The following MAF variants were observed in gnomAD, a reference collection of about 807,000 sequenced individuals.
MAF encodes transcription factor Maf.
MAF carries 10 observed loss-of-function variants against 22.0 expected under a neutral mutation model. That is an observed-to-expected ratio of 0.45 (90% CI 0.28 to 0.77). The LOEUF is 0.77. Among genes scored for constraint, MAF ranks in the 30% least tolerant of loss-of-function variants. MAF has a pLI of 0.12. For synonymous variants in MAF, 337 were observed against 255.8 expected (o/e 1.32, Z -3.03); for missense variants, 544 against 548.4 (o/e 0.99, Z 0.08).
the MAF span, among the ~76,000 whole-genome samples, chr16:79,484,298 G>A: frequency 2.0e-5 from 3 of 152,194 alleles, no homozygotes; most frequent in Non-Finnish European, 4.4e-5. Context: ...CAAGGCTGGT[G>A]TGACAATGCC....
At chr16:79,569,357 G>C in the MAF span, among the ~76,000 whole-genome samples, 1 of 152,310 alleles carries the variant, frequency 6.6e-6, no homozygotes, top group South Asian at 2.1e-4. Context: ...CTCCAGTTGA[G>C]ACCCATTGCT....
chr16:79,270,476 A>G, the MAF span, among the ~76,000 whole-genome samples: 1 of 152,098 alleles, frequency 6.6e-6, no homozygotes. Context: ...TGAACCATAG[A>G]TTCCCCATCT....
At chr16:79,365,751 C>A in the MAF span, among the ~76,000 whole-genome samples, 3 of 151,134 alleles carry the variant, frequency 2.0e-5, no homozygotes, top group Non-Finnish European at 4.4e-5. Context: ...ATCCAGAGGC[C>A]AAATATCTCA....
the MAF span, among the ~76,000 whole-genome samples, chr16:79,516,672 C>T: frequency 3.3e-5 from 5 of 152,176 alleles, no homozygotes; most frequent in Non-Finnish European, 7.3e-5. Context: ...CTGAAGATGG[C>T]AATTTTATTA....
At chr16:79,235,474 G>A in the MAF span, among the ~76,000 whole-genome samples, 22 of 152,072 alleles carry the variant, frequency 1.4e-4, no homozygotes, top group Non-Finnish European at 2.8e-4. Context: ...GCTGAGGTGG[G>A]GAGATCGCTT....
chr16:79,205,373 T>C, the MAF span: 1 of 152,186 alleles, frequency 6.6e-6, no homozygotes, highest in African/African-American at 2.4e-5. Flanking sequence ...GCCTGAGGTT[T>C]TTCTACCTTT....
the MAF span, among the ~76,000 whole-genome samples, chr16:79,436,440 G>A: frequency 6.6e-6 from 1 of 152,192 alleles, no homozygotes; most frequent in South Asian, 2.1e-4. Context: ...AACACCTACT[G>A]TGCATCAGAC....
At chr16:79,353,320 G>C in the MAF span, among the ~76,000 whole-genome samples, 6 of 152,194 alleles carry the variant, frequency 3.9e-5, no homozygotes, top group South Asian at 8.3e-4. Flanking sequence ...GTAGAGACAG[G>C]GTTTCACTAT....
chr16:79,528,726 G>A, the MAF span, among the ~76,000 whole-genome samples: 1 of 151,606 alleles, frequency 6.6e-6, no homozygotes, highest in African/African-American at 2.4e-5. Flanking sequence ...GGCTATTATT[G>A]AATGCATTTG....
chr16:79,568,382 G>T, the MAF span, among the ~76,000 whole-genome samples: 1 of 152,166 alleles, frequency 6.6e-6, no homozygotes, highest in African/African-American at 2.4e-5. Context: ...TCAAATTCCT[G>T]TTCTATCTGG....
At chr16:79,205,324 A>T in the MAF span, 1 of 152,200 alleles carries the variant, frequency 6.6e-6, no homozygotes. Flanking sequence ...CTGGGGAATG[A>T]CACTCTTCAC....
chr16:79,275,100 A>G, the MAF span, among the ~76,000 whole-genome samples: 1 of 152,188 alleles, frequency 6.6e-6, no homozygotes. Flanking sequence ...TCAGGCCTGT[A>G]ATCCCAGCAC....
the MAF span, chr16:79,211,684 A>G: frequency 6.2e-6 from 10 of 1,614,166 alleles, no homozygotes; most frequent in Non-Finnish European, 7.6e-6. Context: ...TACTTCAACA[A>G]CTGCTGCCGC....
At chr16:79,560,392 G>C in the MAF span, among the ~76,000 whole-genome samples, 5 of 150,688 alleles carry the variant, frequency 3.3e-5, no homozygotes, top group South Asian at 2.1e-4. Context: ...TGTTGAAAAG[G>C]AAACATACGA....
the MAF span, among the ~76,000 whole-genome samples, chr16:79,298,619 G>C: frequency 6.6e-6 from 1 of 152,218 alleles, no homozygotes; most frequent in African/African-American, 2.4e-5. Context: ...CTAAACAGAA[G>C]CCAGCATGCA....
chr16:79,554,103 A>C, the MAF span, among the ~76,000 whole-genome samples: 3 of 119,304 alleles, frequency 2.5e-5, no homozygotes, highest in African/African-American at 8.9e-5. Flanking sequence ...ACAAACAAAC[A>C]AACAAACAAA....
At chr16:79,508,771 C>A in the MAF span, among the ~76,000 whole-genome samples, 100 of 152,300 alleles carry the variant, frequency 6.6e-4, no homozygotes, top group African/African-American at 2.3e-3. Context: ...CCAGAAAGGG[C>A]ATGTCTCATA....
the MAF span, among the ~76,000 whole-genome samples, chr16:79,373,780 C>A: frequency 7.2e-4 from 109 of 152,270 alleles, no homozygotes; most frequent in African/African-American, 2.5e-3. Context: ...GTCCCAGCAG[C>A]AAGAAGGCCC....
intron 1 of MAF, chr16:79,596,131 C>G (rs935374371): frequency 9.4e-7 from 1 of 1,062,290 alleles, no homozygotes. Flanking sequence ...GCTCCTCTGT[C>G]TATGGATGGC....
Sources: gnomAD v4.1 joint callset for allele counts (sites outside exome capture counted in the v4.1 genomes callset) on GRCh38, gnomAD v4.1.1 for gene constraint, MANE v1.5 for transcripts, NCBI Gene and HGNC (gene_info 2026-07-23, HGNC 2026-07-21) for gene names.